The following CHADL variants were observed in gnomAD, a reference collection of about 807,000 sequenced individuals.
The protein encoded by CHADL is chondroadherin-like protein.
CHADL carries 48 observed loss-of-function variants against 52.1 expected under a neutral mutation model. That is an observed-to-expected ratio of 0.92 (90% confidence interval 0.73 to 1.17). The LOEUF is 1.17. Ranked by LOEUF, CHADL falls within the 50% of genes most tolerant of loss-of-function variation. The probability of loss-of-function intolerance (pLI) is 0.00; values close to 1 mark genes in which losing one functional copy is unlikely to be tolerated. For missense variants in CHADL, 977 were observed against 1,035.1 expected, an observed-to-expected ratio of 0.94 and a Z score of 0.77; for synonymous variants, 498 against 511.2, an observed-to-expected ratio of 0.97 and a Z score of 0.35.
At position 41,238,437 on chromosome 22, in the gene CHADL, C is replaced by T; in HGVS notation, c.635G>A (p.Ser212Asn). The change falls in exon 3 of 6, where the codon AGC becomes AAC. Residue 212 changes from serine (S) to asparagine (N), a missense_variant. Physicochemically the swap from Ser to Asn is conservative, Grantham distance 46 (BLOSUM62 1). Transcript: ENST00000216241. The surrounding 1 kb of genome is among the most constrained non-coding windows in gnomAD (Gnocchi z 4.9). ...LAGLPALRRL[S>N]LHHNELQALP... ...AGCCTGGAGCTCGTTGTGGTGTAGG[C>T]TGAGCCGTCTCAGGGCGGGCAGGCC... The T allele has an allele frequency of 2.0e-6, 3 of 1,527,966 alleles. No homozygotes were observed. The highest frequency in any genetic ancestry group is 2.5e-5 in the East Asian group (1 of 40,668). The allele number at this position is 1,527,966 out of a possible 1,614,324, so 94.7% of individuals were successfully genotyped here.
At chr22:41,240,400 T>C (rs1186889362) in intron 1 of CHADL, among the ~76,000 whole-genome samples, 1 of 152,168 alleles carries the variant, frequency 6.6e-6, no homozygotes. Flanking sequence ...GCCCCTCTGT[T>C]CTCAGCCTGT....
chr22:41,230,254 C>T (rs2032509871), intron 5 of CHADL: 1 of 1,610,286 alleles, frequency 6.2e-7, no homozygotes, highest in Non-Finnish European at 8.5e-7. Context: ...ACGACTGAGC[C>T]TTCCTGCCTC....
intron 5 of CHADL, 84 bp downstream of exon 5, chr22:41,235,061 C>G (rs2032713020): frequency 2.2e-6 from 3 of 1,385,650 alleles, no homozygotes; most frequent in Non-Finnish European, 3.0e-6. Flanking sequence ...CAGGACCAAG[C>G]CAAGTCAGGC....
chr22:41,232,133 C>G (rs966041008), intron 5 of CHADL, among the ~76,000 whole-genome samples: 14 of 151,498 alleles, frequency 9.2e-5, no homozygotes, highest in African/African-American at 2.7e-4. Flanking sequence ...GAGATCGAGA[C>G]CATCCTGGCT....
chr22:41,237,543 A>G lies in CHADL; in HGVS notation c.1529T>C (p.Leu510Pro), dbSNP rs1168382994. Residue 510 changes from leucine to proline, a missense_variant, in exon 3 of 6, where the codon CTG (leucine) becomes CCG (proline). Transcript: ENST00000216241. ...GCGCAGGGCAGCCCCTGGCACCTGC[A>G]GGAAACGGTTGCGTTCTAGGTACAG... ...GYLYLERNRF[L>P]QVPGAALRAL... 5.8e-6 allele frequency: 9 copies of G among 1,550,324 alleles called. No homozygotes were observed. Among genetic ancestry groups the G allele is most frequent in the Admixed American group, 2.0e-5 (1 of 50,980 alleles).
intron 4 of CHADL, among the ~76,000 whole-genome samples, chr22:41,236,272 G>A (rs1025770009): frequency 6.6e-6 from 1 of 152,216 alleles, no homozygotes; most frequent in Non-Finnish European, 1.5e-5. Context: ...TATGGATGAT[G>A]AAATCAAGGC....
At chr22:41,230,465 G>A (rs892467476) in intron 5 of CHADL, 9 of 522,014 alleles carry the variant, frequency 1.7e-5, no homozygotes, top group East Asian at 1.0e-4. Context: ...TCTATATGAC[G>A]GGCCGCCTGA....
chr22:41,238,230 T>C lies in CHADL; in HGVS notation c.842A>G (p.His281Arg), dbSNP rs1383668934. 4.6e-6 allele frequency: 7 copies of C among 1,527,974 alleles called. No homozygotes were observed. The highest frequency in any genetic ancestry group is 4.3e-4 in the Middle Eastern group (2 of 4,630). The allele number at this position is 1,527,974 out of a possible 1,614,324, so 94.7% of individuals were successfully genotyped here. A position where few individuals can be genotyped will look rare whatever the true frequency, so the allele number is the denominator to read the frequency against. Residue 281 changes from histidine (H) to arginine (R), a missense_variant, in exon 3 of 6, where the codon CAC (histidine) becomes CGC (arginine). Physicochemically the swap from His to Arg is conservative, Grantham distance 29. Coordinates refer to ENST00000216241, the MANE Select transcript of CHADL (RefSeq NM_138481.2). This position sits in a 1 kb window ranked among gnomAD's most constrained non-coding sequence, Gnocchi z 4.9. ...PRAFAHCPRLHTLDLRGNQLD... is the reference protein window; with the variant it reads ...PRAFAHCPRLRTLDLRGNQLD... Reference sequence around the variant, plus strand: ...CTGGTTCCCGCGGAGGTCGAGGGTGTGCAGGCGCGGACAGTGTGCGAAGGC... The same window carrying C: ...CTGGTTCCCGCGGAGGTCGAGGGTGCGCAGGCGCGGACAGTGTGCGAAGGC...
At chr22:41,236,415 G>T (rs2032740467) in intron 4 of CHADL, 69 bp downstream of exon 4, 1 of 1,381,440 alleles carries the variant, frequency 7.2e-7, no homozygotes. Context: ...TGTGCCTGGG[G>T]AGATGACAGG....
chr22:41,231,502 C>A (rs184320015), intron 5 of CHADL, among the ~76,000 whole-genome samples: 1 of 152,246 alleles, frequency 6.6e-6, no homozygotes, highest in Non-Finnish European at 1.5e-5. Flanking sequence ...AGCCTGTGTC[C>A]GCCTGTGCGT....
chr22:41,232,503 T>C (rs984168788), intron 5 of CHADL, among the ~76,000 whole-genome samples: 4 of 152,108 alleles, frequency 2.6e-5, no homozygotes, highest in Admixed American at 6.6e-5. Flanking sequence ...ACGTCCATCC[T>C]GGTGCCTTCA....
At chr22:41,234,582 C>G (rs1219648989) in intron 5 of CHADL, among the ~76,000 whole-genome samples, 2 of 148,230 alleles carry the variant, frequency 1.3e-5, no homozygotes. Context: ...GTTTTTGAGT[C>G]TTGCTCTGTC....
intron 5 of CHADL, chr22:41,231,054 A>C (rs2032563598): frequency 6.6e-6 from 1 of 152,186 alleles, no homozygotes; most frequent in Non-Finnish European, 1.5e-5. Context: ...TTGTAGTTAA[A>C]GGGTCCAGTT....
rs761334557 is a variant in CHADL, at chr22:41,237,862, G to C, written c.1210C>G (p.Pro404Ala). ...TCGCAGCTGCTGTGCCGGGACTCGG[G>C]GACGCACACGCAGGCGCGAGGGCAA... ...APCPRACVCV[P>A]ESRHSSCEGC... Residue 404 changes from proline to alanine, a missense_variant, in exon 3 of 6, where the codon CCC becomes GCC. By Grantham distance (27) the Pro-to-Ala change is conservative. Transcript: ENST00000216241. 3.1e-4 allele frequency: 432 copies of C among 1,408,532 alleles called. No individual in the cohort carries two copies. Among genetic ancestry groups the C allele is most frequent in the Middle Eastern group, 5.2e-4 (2 of 3,834 alleles). 87.3% of individuals were successfully genotyped at this position (1,408,532 alleles called of 1,614,324 possible).
At chr22:41,232,138 C>A in intron 5 of CHADL, among the ~76,000 whole-genome samples, 1 of 151,776 alleles carries the variant, frequency 6.6e-6, no homozygotes, top group South Asian at 2.1e-4. Flanking sequence ...CGAGACCATC[C>A]TGGCTAACAC....
Position 41,239,557 on chromosome 22 carries a change from C to T in CHADL, c.72G>A (p.Pro24=), listed in dbSNP as rs1445538740. 6.5e-6 allele frequency: 10 copies of T among 1,547,786 alleles called. No individual in the cohort carries two copies. The highest frequency in any genetic ancestry group is 4.1e-5 in the African/African-American group (3 of 72,888). ...LPLLVLLLLA[P]ARQAAAQRCP... ...AGCGCTGGGCGGCGGCCTGCCTAGC[C>T]GGGGCCAGCAGCAGAAGTACAAGAA... The change falls in exon 2 of 6, where the codon CCG becomes CCA. Residue 24 remains proline (P), a synonymous_variant. Coordinates refer to ENST00000216241, the MANE Select transcript of CHADL (RefSeq NM_138481.2).
chr22:41,230,080 C>T, intron 5 of CHADL: 3 of 548,896 alleles, frequency 5.5e-6, no homozygotes, highest in Non-Finnish European at 9.7e-6. Context: ...AGCTCCTCCG[C>T]CCCCACCCCT....
chr22:41,238,176 G>A lies in CHADL; in HGVS notation c.896C>T (p.Pro299Leu), dbSNP rs1028153120. ...QLDTLPPLQG[P>L]GQLRRLRLQG... ...CAGCCGCAGCCGGCGCAGCTGGCCC[G>A]GGCCCTGCAGCGGGGGCAGGGTGTC... Residue 299 changes from proline (P) to leucine (L), a missense_variant, in exon 3 of 6, where the codon CCG becomes CTG. By Grantham distance (98) the Pro-to-Leu change is moderately conservative (BLOSUM62 -3). Transcript: ENST00000216241. The surrounding 1 kb of genome is among the most constrained non-coding windows in gnomAD (Gnocchi z 4.9). 13 of 1,497,196 alleles carry A rather than the reference G, an allele frequency of 8.7e-6. No homozygotes were observed. In the East Asian group the frequency reaches 1.1e-4, roughly 12 times the overall value. 92.7% of individuals were successfully genotyped at this position (1,497,196 alleles called of 1,614,324 possible). A position where few individuals can be genotyped will look rare whatever the true frequency, so the allele number is the denominator to read the frequency against.
In CHADL at chr22:41,234,997, A is replaced by G. The variant is rs1051497746; in HGVS notation, c.2262+148T>C. 2.0e-5 allele frequency: 16 copies of G among 791,556 alleles called. No homozygotes were observed. In the African/African-American group the frequency reaches 2.6e-4, roughly 13 times the overall value. The allele number at this position is 791,556 out of a possible 1,614,324, so 49.0% of individuals were successfully genotyped here. A position where few individuals can be genotyped will look rare whatever the true frequency, so the allele number is the denominator to read the frequency against. ...AGCCACCGCGCCCAGCCTCGGATGG[A>G]CATTATTGAACTGACGCAACTGGGT... On this transcript the variant is annotated intron_variant, in intron 5 of 5. Transcript: ENST00000216241.
Sources: allele counts gnomAD v4.1 joint callset (sites outside exome capture counted in the v4.1 genomes callset), GRCh38; gene constraint gnomAD v4.1.1; non-coding constraint Gnocchi (gnomAD v3.1); transcripts MANE v1.5; gene names NCBI Gene and HGNC (gene_info 2026-07-23, HGNC 2026-07-21).